The following RANBP2 variants were observed in gnomAD, a reference collection of about 807,000 sequenced individuals.
RANBP2 encodes E3 SUMO-protein ligase RanBP2.
A neutral mutation model predicts 303.6 loss-of-function variants in RANBP2; 57 were observed. That is an observed-to-expected ratio of 0.19 (90% CI 0.15 to 0.23). The LOEUF (loss-of-function observed/expected upper bound fraction) is 0.23. Ranked by LOEUF, RANBP2 falls within the 10% of genes least tolerant of loss-of-function variation. The probability of loss-of-function intolerance (pLI) is 1.00; values close to 1 mark genes in which losing one functional copy is unlikely to be tolerated. For missense variants in RANBP2, 3,138 were observed against 3,780.8 expected, an observed-to-expected ratio of 0.83 and a Z score of 4.46; for synonymous variants, 1,167 against 1,301.5, an observed-to-expected ratio of 0.90 and a Z score of 2.23.
At chr2:109,415,068 G>A in the RANBP2 span, among the ~76,000 whole-genome samples, 1 of 152,226 alleles carries the variant, frequency 6.6e-6, no homozygotes, top group African/African-American at 2.4e-5. Flanking sequence ...AGGCTAGAGA[G>A]AGGAAGACGT....
At chr2:109,134,761 A>G in the RANBP2 span, among the ~76,000 whole-genome samples, 3 of 152,222 alleles carry the variant, frequency 2.0e-5, no homozygotes, top group Admixed American at 6.5e-5. Flanking sequence ...GATTCTAAAC[A>G]TAAGCAGTGG....
chr2:109,548,772 TC>T, the RANBP2 span, among the ~76,000 whole-genome samples: 22 of 50,436 alleles, frequency 4.4e-4, no homozygotes, highest in African/African-American at 1.7e-3. Context: ...TTAGGCTCCA[TC>T]TCAAAAAAAA....
chr2:108,952,796 G>A, the RANBP2 span, among the ~76,000 whole-genome samples: 9 of 152,234 alleles, frequency 5.9e-5, no homozygotes, highest in Admixed American at 2.0e-4. Context: ...GCCAGACATC[G>A]TAATGATATG....
the RANBP2 span, among the ~76,000 whole-genome samples, chr2:109,426,980 T>TA: frequency 4.0e-3 from 165 of 41,742 alleles, no homozygotes; most frequent in African/African-American, 0.015. Context: ...ATATATATAT[T>TA]TTTTTTTGAG....
the RANBP2 span, among the ~76,000 whole-genome samples, chr2:109,075,859 G>A: frequency 6.7e-6 from 1 of 150,258 alleles, no homozygotes. Context: ...AAAATCGATG[G>A]CTTTCATGGA....
At chr2:109,697,706 G>A in the RANBP2 span, among the ~76,000 whole-genome samples, 24 of 152,112 alleles carry the variant, frequency 1.6e-4, no homozygotes, top group African/African-American at 5.1e-4. Flanking sequence ...TTTCTGATCT[G>A]TTTACCTTTT....
At chr2:109,419,726 G>T in the RANBP2 span, 13 of 1,339,040 alleles carry the variant, frequency 9.7e-6, no homozygotes, top group Admixed American at 2.1e-5. Flanking sequence ...TGTGGTTTCC[G>T]CAGGGTTTTC....
In RANBP2 at chr2:108,776,069, G is replaced by A. The variant is rs1021527592; in HGVS notation, c.8497+133G>A. ...ATATGTATAAAGGGGCATCTTAGTA[G>A]TAGTAGTAATAATAACCAGAAAAAT... On this transcript the variant is annotated intron_variant, in intron 24 of 28. Transcript: ENST00000283195. 3.0e-4 allele frequency: 212 copies of A among 695,806 alleles called. No individual in the cohort carries two copies. In the Middle Eastern group the frequency reaches 3.6e-3, roughly 12 times the overall value. 43.1% of individuals were successfully genotyped at this position (695,806 alleles called of 1,614,324 possible). A position where few individuals can be genotyped will look rare whatever the true frequency, so the allele number is the denominator to read the frequency against.
the RANBP2 span, among the ~76,000 whole-genome samples, chr2:109,460,258 G>A: frequency 6.6e-6 from 1 of 152,194 alleles, no homozygotes; most frequent in Admixed American, 6.5e-5. Flanking sequence ...TCCATATCTA[G>A]AGTGAATAGT....
chr2:108,788,730 A>G (rs1573892255), downstream of RANBP2: 13 of 1,401,978 alleles, frequency 9.3e-6, no homozygotes, highest in East Asian at 3.3e-4. Context: ...AAAGAAAAAA[A>G]AAGAAAAAAA....
chr2:109,243,290 G>A, the RANBP2 span, among the ~76,000 whole-genome samples: 2 of 152,234 alleles, frequency 1.3e-5, no homozygotes, highest in Non-Finnish European at 2.9e-5. Flanking sequence ...GCCGTACACC[G>A]CATGGATCCT....
the RANBP2 span, chr2:109,613,941 T>G: frequency 8.2e-7 from 1 of 1,216,610 alleles, no homozygotes; most frequent in Admixed American, 4.3e-5. Context: ...GGCGCGAGGC[T>G]AGGCTGCCTC....
At chr2:109,331,905 C>G in the RANBP2 span, among the ~76,000 whole-genome samples, 1 of 152,200 alleles carries the variant, frequency 6.6e-6, no homozygotes, top group African/African-American at 2.4e-5. Flanking sequence ...AGTCCACTGC[C>G]TCTCTGGAGG....
At chr2:108,776,647 A>C (rs1677912104) in intron 24 of RANBP2, among the ~76,000 whole-genome samples, 1 of 152,174 alleles carries the variant, frequency 6.6e-6, no homozygotes, top group South Asian at 2.1e-4. Context: ...GCTTTCAGAG[A>C]TCATGCAGCT....
the RANBP2 span, among the ~76,000 whole-genome samples, chr2:109,335,875 A>T: frequency 5.7e-3 from 868 of 152,354 alleles, 9 homozygotes; most frequent in African/African-American, 0.02. Flanking sequence ...AAAACTTGAA[A>T]GCATAAAGTG....
Position 108,775,779 on chromosome 2 carries a change from A to G in RANBP2, c.8340A>G (p.Thr2780=), listed in dbSNP as rs751045237. 12 of 1,613,884 alleles carry G rather than the reference A, an allele frequency of 7.4e-6. No individual in the cohort carries two copies. The South Asian group carries it at 1.1e-4, about 15-fold the overall frequency. ...CTAGCACAACTGACAGTGTATATAC[A>G]GGTGGGACTGAAGTGATGGTACCTT... ...EITSTTDSVY[T]GGTEVMVPSF... is the part of the protein sequence containing the mutation. Residue 2780 remains threonine, a synonymous_variant, in exon 24 of 29, where the codon ACA becomes ACG. Transcript: ENST00000283195.
chr2:109,050,858 G>T, the RANBP2 span, among the ~76,000 whole-genome samples: 1 of 152,082 alleles, frequency 6.6e-6, no homozygotes, highest in East Asian at 1.9e-4. Flanking sequence ...AGGGGACCAC[G>T]TATAGTGTAC....
At chr2:108,895,675 A>G in the RANBP2 span, 1 of 152,172 alleles carries the variant, frequency 6.6e-6, no homozygotes. Context: ...TGCCCCAATT[A>G]TAGAATCACT....
the RANBP2 span, among the ~76,000 whole-genome samples, chr2:109,257,375 G>A: frequency 6.6e-6 from 1 of 151,588 alleles, no homozygotes; most frequent in Non-Finnish European, 1.5e-5. Context: ...GGAGAGGGAG[G>A]GAGGGAGAGG....
Sources: allele counts gnomAD v4.1 joint callset (sites outside exome capture counted in the v4.1 genomes callset), GRCh38; gene constraint gnomAD v4.1.1; transcripts MANE v1.5; gene names NCBI Gene and HGNC (gene_info 2026-07-23, HGNC 2026-07-21).